Variants in KCNN3 observed in about 807,000 individuals in gnomAD.
KCNN3 encodes potassium calcium-activated channel subfamily N member 3, also known as small conductance calcium-activated potassium channel protein 3.
Under a neutral mutation model 62.9 loss-of-function variants are expected in KCNN3, and 16 were observed. That is an observed-to-expected ratio of 0.25 (90% confidence interval 0.17 to 0.39). The LOEUF (loss-of-function observed/expected upper bound fraction) is 0.39, where lower values mean the gene tolerates loss of function less well. Ranked by LOEUF, KCNN3 falls within the 10% of genes least tolerant of loss-of-function variation. The pLI, the probability that KCNN3 is intolerant of heterozygous loss-of-function variation, is 1.00. For missense variants in KCNN3, 599 were observed against 949.4 expected, an observed-to-expected ratio of 0.63 and a Z score of 4.85; for synonymous variants, 370 against 389.2, an observed-to-expected ratio of 0.95 and a Z score of 0.58.
chr1:154,747,658 C>T (rs76683466), intron 3 of KCNN3, among the ~76,000 whole-genome samples: 4,451 of 152,216 alleles, frequency 0.029, 91 homozygotes, highest in Middle Eastern at 0.054. Flanking sequence ...CAGCAGAAGT[C>T]GGCTGTCTGA....
intron 3 of KCNN3, among the ~76,000 whole-genome samples, chr1:154,771,056 C>CAGAT (rs1229030078): frequency 3.9e-5 from 5 of 127,770 alleles, no homozygotes; most frequent in African/African-American, 1.6e-4. Flanking sequence ...GACTCCATCT[C>CAGAT]AGATAAATAA....
chr1:154,806,861 C>T (rs570326690), intron 2 of KCNN3, among the ~76,000 whole-genome samples: 17 of 152,240 alleles, frequency 1.1e-4, no homozygotes, highest in Middle Eastern at 6.8e-3. Context: ...TCCCTGAAAT[C>T]GACCAGGGAG....
intron 7 of KCNN3, among the ~76,000 whole-genome samples, chr1:154,711,083 G>C (rs1700063758): frequency 1.3e-5 from 2 of 152,136 alleles, no homozygotes; most frequent in African/African-American, 2.4e-5. Context: ...GCAAAGACTT[G>C]GAACCAACCC....
intron 2 of KCNN3, among the ~76,000 whole-genome samples, chr1:154,818,786 C>A (rs1481601343): frequency 1.3e-5 from 2 of 152,120 alleles, no homozygotes; most frequent in Non-Finnish European, 2.9e-5. Flanking sequence ...TGAGAGTTAC[C>A]CAACAGTGTT....
At chr1:154,823,244 G>A (rs1470931794) in intron 1 of KCNN3, among the ~76,000 whole-genome samples, 5 of 152,146 alleles carry the variant, frequency 3.3e-5, no homozygotes, top group Admixed American at 6.5e-5. Flanking sequence ...CCAAAGGAAG[G>A]CGGGAACACA....
chr1:154,766,096 C>T (rs1347696238), intron 3 of KCNN3, among the ~76,000 whole-genome samples: 1 of 151,186 alleles, frequency 6.6e-6, no homozygotes, highest in Non-Finnish European at 1.5e-5. Context: ...TCCCCCTCCC[C>T]AGCCATCTAT....
At chr1:154,837,653 G>C (rs1651647933) in intron 1 of KCNN3, among the ~76,000 whole-genome samples, 1 of 152,160 alleles carries the variant, frequency 6.6e-6, no homozygotes, top group South Asian at 2.1e-4. Flanking sequence ...GGGGTCCCTG[G>C]GCAGGAAGAG....
chr1:154,783,202 G>C (rs1649133371), intron 2 of KCNN3, among the ~76,000 whole-genome samples: 1 of 128,520 alleles, frequency 7.8e-6, no homozygotes. Context: ...GACAGAACGA[G>C]ACTCCATCTC....
At chr1:154,762,553 G>C (rs538469008) in intron 3 of KCNN3, among the ~76,000 whole-genome samples, 1 of 152,062 alleles carries the variant, frequency 6.6e-6, no homozygotes, top group Admixed American at 6.5e-5. Context: ...TGTATAATAG[G>C]GATATTTACC....
intron 1 of KCNN3, among the ~76,000 whole-genome samples, chr1:154,832,380 T>G (rs1394831567): frequency 6.6e-6 from 1 of 152,040 alleles, no homozygotes; most frequent in Admixed American, 6.6e-5. Context: ...TCAGGAGAAC[T>G]GTATAGCATA....
chr1:154,847,923 C>A (rs1028121608), intron 1 of KCNN3, among the ~76,000 whole-genome samples: 12 of 152,246 alleles, frequency 7.9e-5, no homozygotes, highest in Non-Finnish European at 1.5e-4. Flanking sequence ...AACTGCACAG[C>A]CAGTCACTCC....
intron 3 of KCNN3, among the ~76,000 whole-genome samples, chr1:154,767,900 T>A (rs1335951750): frequency 6.6e-6 from 1 of 152,200 alleles, no homozygotes; most frequent in African/African-American, 2.4e-5. Flanking sequence ...AAACCTTTGT[T>A]GTCACATAAA....
intron 2 of KCNN3, among the ~76,000 whole-genome samples, chr1:154,794,359 T>A (rs1649639181): frequency 6.6e-6 from 1 of 152,078 alleles, no homozygotes; most frequent in Non-Finnish European, 1.5e-5. Flanking sequence ...AATAAACACT[T>A]GATGAATGAA....
chr1:154,819,374 G>A (rs1358427957), intron 2 of KCNN3, among the ~76,000 whole-genome samples: 19 of 152,164 alleles, frequency 1.2e-4, no homozygotes, highest in Admixed American at 8.5e-4. Context: ...TTCAAAGAAC[G>A]TGCTACAAAC....
intron 2 of KCNN3, among the ~76,000 whole-genome samples, chr1:154,817,867 T>C (rs1001393258): frequency 6.6e-6 from 1 of 152,102 alleles, no homozygotes; most frequent in Non-Finnish European, 1.5e-5. Context: ...ATGACTGCAC[T>C]TGGTGGGTCA....
At chr1:154,787,902 C>T (rs1049881005) in intron 2 of KCNN3, among the ~76,000 whole-genome samples, 10 of 152,200 alleles carry the variant, frequency 6.6e-5, no homozygotes, top group South Asian at 6.2e-4. Context: ...AGGTACATCC[C>T]TAAGCCTGAG....
chr1:154,787,449 C>T (rs1649330038), intron 2 of KCNN3, among the ~76,000 whole-genome samples: 2 of 152,196 alleles, frequency 1.3e-5, no homozygotes, highest in African/African-American at 4.8e-5. Flanking sequence ...TGCCAAGACC[C>T]GTGGGGTACA....
chr1:154,803,983 C>T (rs753267388), intron 2 of KCNN3, among the ~76,000 whole-genome samples: 9 of 152,232 alleles, frequency 5.9e-5, no homozygotes, highest in Admixed American at 1.3e-4. Flanking sequence ...CCCGTCTCCC[C>T]GTGCAACTCT....
chr1:154,731,474 G>A (rs538136375), intron 4 of KCNN3, among the ~76,000 whole-genome samples: 54 of 152,334 alleles, frequency 3.5e-4, no homozygotes, highest in African/African-American at 1.3e-3. Context: ...CCCCAAGCCT[G>A]GGTCTGACCG....
Sources: allele counts gnomAD v4.1 joint callset (sites outside exome capture counted in the v4.1 genomes callset), GRCh38; gene constraint gnomAD v4.1.1; transcripts MANE v1.5; gene names NCBI Gene and HGNC (gene_info 2026-07-23, HGNC 2026-07-21).